The following SLC26A9 variants were observed in gnomAD, a reference collection of about 807,000 sequenced individuals.
SLC26A9 encodes anion transporter/exchanger protein 9.
SLC26A9 carries 46 observed loss-of-function variants against 87.1 expected under a neutral mutation model. The ratio of observed to expected loss-of-function variants is 0.53; its 90% CI spans 0.42 to 0.67. SLC26A9 has a LOEUF of 0.67. SLC26A9 is among the 30% of genes least tolerant of loss of function. The pLI, the probability that SLC26A9 is intolerant of heterozygous loss-of-function variation, is 0.00. For synonymous variants in SLC26A9, 437 were observed against 409.1 expected (o/e 1.07, Z -0.82); for missense variants, 927 against 1,018.3 (o/e 0.91, Z 1.22).
In SLC26A9 at chr1:205,929,980, G is replaced by C; in HGVS notation, c.629C>G (p.Ala210Gly). ...CGAAATCAGGATCTGCAGGCCGGCG[G>C]CCGTCATGAAGCCCCGGATGAAGGA... The part of the protein sequence containing the change: ...SESFIRGFMT[A>G]AGLQILISVL... Residue 210 changes from alanine to glycine, a missense_variant, in exon 6 of 21, where the codon GCC (alanine) becomes GGC (glycine). Physicochemically the swap from Ala to Gly is moderately conservative, Grantham distance 60. Coordinates refer to ENST00000367135, the MANE Select transcript of SLC26A9 (RefSeq NM_052934.4). 6.2e-7 allele frequency: 1 copy of C among 1,613,936 alleles called. No homozygotes were observed. Among genetic ancestry groups the C allele is most frequent in the Non-Finnish European group, 8.5e-7 (1 of 1,179,812 alleles).
intron 4 of SLC26A9, among the ~76,000 whole-genome samples, chr1:205,932,302 A>C (rs1659338707): frequency 6.6e-6 from 1 of 152,228 alleles, no homozygotes; most frequent in Admixed American, 6.5e-5. Context: ...CTGAACCAGA[A>C]ACCAGCCCTT....
rs376962751 is a variant in SLC26A9, at chr1:205,921,648, G to T, written c.1973C>A (p.Pro658His). The change falls in exon 17 of 21, where the codon CCC (proline) becomes CAC (histidine). Residue 658 changes from proline to histidine, a missense_variant. Pro to His is a moderately conservative substitution (Grantham distance 77). Transcript: ENST00000367135. ...GATGAGGGTGTGGAAGGTGACGAAG[G>T]GTGGGACGCTGGCCAGCATGTCACT... Reference protein sequence around the residue: ...EPSDMLASVPPFVTFHTLILD... With the variant: ...EPSDMLASVPHFVTFHTLILD... The T allele has an allele frequency of 1.9e-6, 3 of 1,608,504 alleles. No individual in the cohort carries two copies. The highest frequency in any genetic ancestry group is 1.1e-5 in the South Asian group (1 of 90,040).
Position 205,913,942 on chromosome 1 carries a change from G to A in SLC26A9, c.*1415C>T, listed in dbSNP as rs988830342. On this transcript the variant is annotated 3_prime_UTR_variant, in exon 21 of 21. Transcript: ENST00000367135. ...AGCCCAACCTGTTAGGGAAGGGGTT[G>A]TTAAGCTGAAGAAGCTTGAGAAAAG... The A allele has an allele frequency of 7.9e-5, 12 of 152,200 alleles. No homozygotes were observed. The highest frequency in any genetic ancestry group is 7.9e-4 in the Admixed American group (12 of 15,280). The allele number at this position is 152,200 out of a possible 1,614,324, so 9.4% of individuals were successfully genotyped here.
intron 15 of SLC26A9, 52 bp from the exon 16 acceptor site, chr1:205,923,247 G>T: frequency 6.2e-7 from 1 of 1,609,236 alleles, no homozygotes; most frequent in Non-Finnish European, 8.5e-7. Flanking sequence ...TATGGGAGTG[G>T]CCTATTCTCA....
At chr1:205,916,512 C>T (rs1485090942) in intron 20 of SLC26A9, among the ~76,000 whole-genome samples, 1 of 152,238 alleles carries the variant, frequency 6.6e-6, no homozygotes, top group East Asian at 1.9e-4. Context: ...CTTTGTTTTG[C>T]TCACTGCTAT....
chr1:205,924,490 C>G lies in SLC26A9; in HGVS notation c.1390-1G>C. ...AGAGGAAGCTCACTACCCAGATGCA[C>G]TGTGAAAAGAGAGATGTCAAAAGCA... On this transcript the variant is annotated splice_acceptor_variant, in intron 12 of 20. Coordinates refer to ENST00000367135, the MANE Select transcript of SLC26A9 (RefSeq NM_052934.4). LOFTEE classifies it high-confidence loss of function. 6.2e-7 allele frequency: 1 copy of G among 1,614,088 alleles called. No individual in the cohort carries two copies. The highest frequency in any genetic ancestry group is 8.5e-7 in the Non-Finnish European group (1 of 1,179,964).
At chr1:205,928,604 A>G (rs1245753820) in intron 8 of SLC26A9, among the ~76,000 whole-genome samples, 3 of 152,178 alleles carry the variant, frequency 2.0e-5, no homozygotes, top group Non-Finnish European at 4.4e-5. Context: ...TGAGATTTAT[A>G]AGGGGAGTGT....
At chr1:205,923,256 C>T in intron 15 of SLC26A9, 61 bp from the exon 16 acceptor site, 1 of 1,610,722 alleles carries the variant, frequency 6.2e-7, no homozygotes, top group East Asian at 2.2e-5. Flanking sequence ...GGCCTATTCT[C>T]AGCTCCCACC....
chr1:205,935,310 A>G (rs1278520766), intron 2 of SLC26A9: 1 of 157,586 alleles, frequency 6.3e-6, no homozygotes, highest in Non-Finnish European at 1.4e-5. Flanking sequence ...GGTGATGGTA[A>G]CTTCAGGTAT....
At chr1:205,917,458 T>C in intron 19 of SLC26A9, 104 bp from the exon 20 acceptor site, 1 of 1,100,140 alleles carries the variant, frequency 9.1e-7, no homozygotes, top group Non-Finnish European at 1.4e-6. Context: ...GGTTGGACGC[T>C]GCTTCCTGAC....
chr1:205,942,889 A>G (rs994053664), intron 1 of SLC26A9, among the ~76,000 whole-genome samples: 1 of 152,198 alleles, frequency 6.6e-6, no homozygotes, highest in Non-Finnish European at 1.5e-5. Context: ...GGAGAAGTAC[A>G]TGAGTGAAGG....
Position 205,929,873 on chromosome 1 carries a change from G to C in SLC26A9, c.717+19C>G. On this transcript the variant is annotated intron_variant, in intron 6 of 20. Transcript: ENST00000367135. The stretch of plus-strand genomic sequence containing the variant: ...GCTGGAGCCTTGCTCCAATGGCAGG[G>C]GTGCATCCCCAGACTCACAAAGACG... 6.4e-7 allele frequency: 1 copy of C among 1,573,180 alleles called. No individual in the cohort carries two copies.
chr1:205,923,217 C>A (rs949236802), intron 15 of SLC26A9, 22 bp from the exon 16 acceptor site: 1 of 1,612,870 alleles, frequency 6.2e-7, no homozygotes, highest in Admixed American at 1.7e-5. Flanking sequence ...GAGCCAACAG[C>A]AATCTTGACC....
intron 1 of SLC26A9, among the ~76,000 whole-genome samples, chr1:205,941,278 C>T (rs936583932): frequency 1.3e-5 from 2 of 152,186 alleles, no homozygotes; most frequent in African/African-American, 4.8e-5. Flanking sequence ...AAGCAATTCT[C>T]CTGCCTCAGC....
chr1:205,942,019 C>G (rs920312621), intron 1 of SLC26A9, among the ~76,000 whole-genome samples: 3 of 152,156 alleles, frequency 2.0e-5, no homozygotes, highest in South Asian at 2.1e-4. Flanking sequence ...AGTAGTGACC[C>G]CACAGCCCCC....
intron 1 of SLC26A9, among the ~76,000 whole-genome samples, chr1:205,941,561 C>G (rs1019555825): frequency 6.6e-6 from 1 of 152,138 alleles, no homozygotes; most frequent in Non-Finnish European, 1.5e-5. Context: ...AGCCTAATTT[C>G]CTCCTCAGTG....
intron 15 of SLC26A9, 24 bp downstream of exon 15, chr1:205,923,311 T>C: frequency 6.2e-7 from 1 of 1,613,784 alleles, no homozygotes; most frequent in Non-Finnish European, 8.5e-7. Flanking sequence ...CCAGAGCCTC[T>C]GGTCGCCAGG....
Position 205,928,853 on chromosome 1 carries a change from C to A in SLC26A9, c.927G>T (p.Met309Ile). 6.2e-7 allele frequency: 1 copy of A among 1,614,134 alleles called. No homozygotes were observed. Residue 309 changes from methionine to isoleucine, a missense_variant, in exon 8 of 21, where the codon ATG becomes ATT. By Grantham distance (10) the Met-to-Ile change is conservative. Coordinates refer to ENST00000367135, the MANE Select transcript of SLC26A9 (RefSeq NM_052934.4). The stretch of plus-strand genomic sequence containing the variant: ...CGCGTTGGATTTCTCCCACGATCTG[C>A]ATGTGATACTTTTTGGGCATCTTAC... ...GGCKMPKKYH[M>I]QIVGEIQRGF...
intron 1 of SLC26A9, among the ~76,000 whole-genome samples, chr1:205,937,586 G>A (rs565499576): frequency 6.6e-6 from 1 of 152,320 alleles, no homozygotes; most frequent in South Asian, 2.1e-4. Flanking sequence ...CCTTTTATAG[G>A]CACCCAGTAA....
Sources: allele counts gnomAD v4.1 joint callset (sites outside exome capture counted in the v4.1 genomes callset), GRCh38; gene constraint gnomAD v4.1.1; transcripts MANE v1.5; gene names NCBI Gene and HGNC (gene_info 2026-07-23, HGNC 2026-07-21).